The following AFG2A variants were observed in gnomAD, a reference collection of about 807,000 sequenced individuals.
AFG2A encodes the protein ATPase family gene 2 protein homolog A.
the AFG2A span, among the ~76,000 whole-genome samples, chr4:123,111,156 C>A: frequency 1.3e-5 from 2 of 152,068 alleles, no homozygotes; most frequent in Non-Finnish European, 2.9e-5. Context: ...TAATTTTAAG[C>A]CAACCTGTAT....
the AFG2A span, among the ~76,000 whole-genome samples, chr4:123,272,017 A>G: frequency 3.3e-5 from 5 of 152,184 alleles, no homozygotes; most frequent in East Asian, 9.6e-4. Context: ...AATACACTGT[A>G]ATACACAGTG....
the AFG2A span, among the ~76,000 whole-genome samples, chr4:122,963,516 C>T: frequency 3.4e-3 from 516 of 152,288 alleles, 3 homozygotes; most frequent in Middle Eastern, 0.014. Context: ...CACAGCAGCT[C>T]TCTGAGGTTC....
chr4:123,226,718 G>A, the AFG2A span, among the ~76,000 whole-genome samples: 1 of 152,142 alleles, frequency 6.6e-6, no homozygotes, highest in Non-Finnish European at 1.5e-5. Flanking sequence ...GATGATGCTG[G>A]CCTCATAAAA....
the AFG2A span, among the ~76,000 whole-genome samples, chr4:123,262,872 C>T: frequency 2.0e-5 from 3 of 152,148 alleles, no homozygotes; most frequent in Admixed American, 1.3e-4. Context: ...AGGAGTAACT[C>T]ACACTACCTG....
chr4:123,060,701 G>A, the AFG2A span, among the ~76,000 whole-genome samples: 1,842 of 152,234 alleles, frequency 0.012, 43 homozygotes, highest in African/African-American at 0.041. Flanking sequence ...GGGCTGCAGG[G>A]AAGGTCTCTG....
At chr4:123,175,625 G>A in the AFG2A span, among the ~76,000 whole-genome samples, 1,505 of 152,302 alleles carry the variant, frequency 9.9e-3, 34 homozygotes, top group African/African-American at 0.034. Context: ...TTGTCACCCA[G>A]AAGTGCCATT....
the AFG2A span, among the ~76,000 whole-genome samples, chr4:123,264,390 T>G: frequency 1.3e-5 from 2 of 152,172 alleles, no homozygotes; most frequent in Non-Finnish European, 2.9e-5. Flanking sequence ...ATAAAAGGTC[T>G]TTTGTGCAAA....
chr4:122,963,397 G>C, the AFG2A span, among the ~76,000 whole-genome samples: 1 of 152,124 alleles, frequency 6.6e-6, no homozygotes, highest in Non-Finnish European at 1.5e-5. Flanking sequence ...GATGAAATGA[G>C]GTAAGCACTC....
At chr4:123,016,288 G>T in the AFG2A span, among the ~76,000 whole-genome samples, 1 of 151,242 alleles carries the variant, frequency 6.6e-6, no homozygotes, top group South Asian at 2.1e-4. Context: ...TCCCGGATGG[G>T]GTGGCTGCCG....
At chr4:123,216,082 A>T in the AFG2A span, among the ~76,000 whole-genome samples, 1 of 152,160 alleles carries the variant, frequency 6.6e-6, no homozygotes, top group African/African-American at 2.4e-5. Flanking sequence ...TTGGTAATTA[A>T]GTATTATAGA....
At chr4:122,965,627 T>G in the AFG2A span, among the ~76,000 whole-genome samples, 2 of 152,330 alleles carry the variant, frequency 1.3e-5, no homozygotes, top group East Asian at 3.9e-4. Context: ...ATTTCAAAAT[T>G]GTGTTTCTTA....
the AFG2A span, among the ~76,000 whole-genome samples, chr4:123,083,216 A>G: frequency 6.6e-6 from 1 of 152,196 alleles, no homozygotes; most frequent in South Asian, 2.1e-4. Context: ...TAATCATAGC[A>G]GAAAAGCTTC....
the AFG2A span, among the ~76,000 whole-genome samples, chr4:123,212,035 C>T: frequency 6.6e-6 from 1 of 152,074 alleles, no homozygotes; most frequent in African/African-American, 2.4e-5. Flanking sequence ...CATTTCTGTA[C>T]TGTTTGTTGT....
the AFG2A span, among the ~76,000 whole-genome samples, chr4:123,134,816 A>T: frequency 6.6e-6 from 1 of 152,136 alleles, no homozygotes; most frequent in Non-Finnish European, 1.5e-5. Flanking sequence ...TTTATGGCTG[A>T]ATTCTACCAC....
chr4:123,007,577 TG>T, the AFG2A span, among the ~76,000 whole-genome samples: 4,195 of 10,466 alleles, frequency 0.4, 352 homozygotes, highest in African/African-American at 0.47. Context: ...TATGTGTGTG[TG>T]TGTGTGTGTG....
chr4:122,953,273 C>A, the AFG2A span, among the ~76,000 whole-genome samples: 1 of 152,174 alleles, frequency 6.6e-6, no homozygotes, highest in Non-Finnish European at 1.5e-5. Flanking sequence ...AAGATGGGAG[C>A]TATACATACT....
the AFG2A span, among the ~76,000 whole-genome samples, chr4:123,246,572 T>A: frequency 0.024 from 3,579 of 152,250 alleles, 70 homozygotes; most frequent in African/African-American, 0.056. Context: ...AAGCATCCTC[T>A]ACCAGTGCTT....
chr4:123,013,556 T>G, the AFG2A span, among the ~76,000 whole-genome samples: 8 of 152,068 alleles, frequency 5.3e-5, no homozygotes, highest in Non-Finnish European at 4.4e-5. Flanking sequence ...TGAGAACACA[T>G]GGACACAGGG....
chr4:122,964,817 C>T, the AFG2A span, among the ~76,000 whole-genome samples: 1 of 152,104 alleles, frequency 6.6e-6, no homozygotes, highest in Non-Finnish European at 1.5e-5. Flanking sequence ...ACTACAATAA[C>T]CTTTAAGGAT....
Sources: gnomAD v4.1 joint callset for allele counts (sites outside exome capture counted in the v4.1 genomes callset) on GRCh38, gnomAD v4.1.1 for gene constraint, MANE v1.5 for transcripts, NCBI Gene and HGNC (gene_info 2026-07-23, HGNC 2026-07-21) for gene names.